The following DOCK3 variants were observed in gnomAD, a reference collection of about 807,000 sequenced individuals.
DOCK3 encodes dedicator of cytokinesis protein 3.
Under a neutral mutation model 265.6 loss-of-function variants are expected in DOCK3, and 60 were observed. The observed-to-expected ratio is 0.23, with a 90% confidence interval of 0.18 to 0.28. The LOEUF (loss-of-function observed/expected upper bound fraction) is 0.28, where lower values mean the gene tolerates loss of function less well. DOCK3 is among the 10% of genes least tolerant of loss of function. The pLI is 1.00. For missense variants in DOCK3, 1,981 were observed against 2,594.3 expected, an observed-to-expected ratio of 0.76 and a Z score of 5.14; for synonymous variants, 881 against 938.0, an observed-to-expected ratio of 0.94 and a Z score of 1.11.
rs546329502 is a variant in DOCK3, at chr3:50,926,094, A to G, written c.219-7887A>G. On this transcript the variant is annotated intron_variant, in intron 4 of 52. Transcript: ENST00000266037. ...GTGCTCCACCCACCTTGGCCTCCCAAAGTTATAGCAGGCCATTTTGGCAGC... is the reference window on the plus strand; with the variant it reads ...GTGCTCCACCCACCTTGGCCTCCCAGAGTTATAGCAGGCCATTTTGGCAGC... 4.9e-4 allele frequency among the ~76,000 whole-genome samples: 74 copies of G among 152,122 alleles called. 1 individual carries two copies. In the South Asian group the frequency reaches 0.015, roughly 31 times the overall value.
intron 1 of DOCK3, among the ~76,000 whole-genome samples, chr3:50,711,484 G>C (rs561082511): frequency 6.6e-6 from 1 of 151,938 alleles, no homozygotes; most frequent in African/African-American, 2.4e-5. Context: ...GGATGGTCTC[G>C]ATCTCCTGAC....
At chr3:50,808,628 A>G (rs1350080332) in intron 2 of DOCK3, among the ~76,000 whole-genome samples, 1 of 152,156 alleles carries the variant, frequency 6.6e-6, no homozygotes, top group African/African-American at 2.4e-5. Context: ...CTCCAACCCA[A>G]GTGCTCTGGG....
intron 22 of DOCK3, among the ~76,000 whole-genome samples, chr3:51,247,329 C>A (rs1363560018): frequency 6.6e-6 from 1 of 152,210 alleles, no homozygotes; most frequent in Non-Finnish European, 1.5e-5. Flanking sequence ...TTGTCAGCAT[C>A]CCTGCTTGGA....
chr3:51,198,315 C>T (rs1315099825), intron 12 of DOCK3, among the ~76,000 whole-genome samples: 1 of 152,218 alleles, frequency 6.6e-6, no homozygotes, highest in Non-Finnish European at 1.5e-5. Context: ...GTTCTCTTTA[C>T]CTCCTTGTTC....
In DOCK3 at chr3:50,930,430, G is replaced by A. The variant is rs545465243; in HGVS notation, c.219-3551G>A. 2.0e-5 allele frequency among the ~76,000 whole-genome samples: 3 copies of A among 152,298 alleles called. No homozygotes were observed. In the South Asian group the frequency reaches 6.2e-4, roughly 32 times the overall value. On this transcript the variant is annotated intron_variant, in intron 4 of 52. Coordinates refer to ENST00000266037, the MANE Select transcript of DOCK3 (RefSeq NM_004947.5). ...CCCACAAGAGCCCAGGGAGACCCAG[G>A]TCCACAACCCTGACTTGGGCAGCTG...
intron 49 of DOCK3, among the ~76,000 whole-genome samples, chr3:51,371,468 G>C (rs2087671878): frequency 6.6e-6 from 1 of 152,202 alleles, no homozygotes; most frequent in Non-Finnish European, 1.5e-5. Flanking sequence ...CAAGCACAGT[G>C]TTAGGCCCTG....
At chr3:50,826,658 C>T (rs2044773767) in intron 2 of DOCK3, among the ~76,000 whole-genome samples, 1 of 152,244 alleles carries the variant, frequency 6.6e-6, no homozygotes, top group African/African-American at 2.4e-5. Flanking sequence ...CATTAATATC[C>T]TCTGAGAGAT....
chr3:51,322,955 C>A (rs1278745672), intron 32 of DOCK3, among the ~76,000 whole-genome samples: 3 of 32,772 alleles, frequency 9.2e-5, no homozygotes. Flanking sequence ...GGCATGCTTA[C>A]CAAGCAAATG....
chr3:50,962,612 G>C (rs1193280476), intron 5 of DOCK3, among the ~76,000 whole-genome samples: 2 of 152,282 alleles, frequency 1.3e-5, no homozygotes, highest in East Asian at 3.9e-4. Flanking sequence ...TTCAGTATTT[G>C]AATATTTTTA....
intron 1 of DOCK3, among the ~76,000 whole-genome samples, chr3:50,770,984 C>A (rs867299383): frequency 6.6e-6 from 1 of 152,148 alleles, no homozygotes; most frequent in Non-Finnish European, 1.5e-5. Context: ...CAACCTCAAA[C>A]TATGAAGCTA....
intron 5 of DOCK3, among the ~76,000 whole-genome samples, chr3:50,942,895 A>G (rs1234026115): frequency 6.6e-6 from 1 of 152,032 alleles, no homozygotes; most frequent in East Asian, 1.9e-4. Context: ...AGTATAAAAT[A>G]CATGCTGGAG....
At chr3:50,947,799 C>G (rs1320162697) in intron 5 of DOCK3, among the ~76,000 whole-genome samples, 1 of 151,404 alleles carries the variant, frequency 6.6e-6, no homozygotes, top group African/African-American at 2.4e-5. Flanking sequence ...TTAGTTCTCT[C>G]CAGTATTGTT....
chr3:51,082,647 G>C (rs2082281914), intron 7 of DOCK3, among the ~76,000 whole-genome samples: 1 of 152,132 alleles, frequency 6.6e-6, no homozygotes. Flanking sequence ...ATTGTCCCGG[G>C]ACCTGAGGAC....
intron 27 of DOCK3, among the ~76,000 whole-genome samples, chr3:51,294,714 C>T (rs935661813): frequency 1.5e-4 from 22 of 144,946 alleles, no homozygotes; most frequent in African/African-American, 4.9e-4. Flanking sequence ...AAATTGAACT[C>T]GAAAAGTAGA....
At chr3:50,787,700 A>C (rs2042255331) in intron 2 of DOCK3, 4 of 1,289,466 alleles carry the variant, frequency 3.1e-6, no homozygotes, top group Non-Finnish European at 3.3e-6. Flanking sequence ...GCAGCAACAG[A>C]GGCAGCTCTC....
At chr3:51,243,181 G>C (rs1456779138) in intron 21 of DOCK3, among the ~76,000 whole-genome samples, 2 of 152,192 alleles carry the variant, frequency 1.3e-5, no homozygotes, top group African/African-American at 4.8e-5. Context: ...GTCAAGCCTA[G>C]GGGGATGGCC....
Position 51,127,050 on chromosome 3 carries a change from C to T in DOCK3, c.747-19499C>T, listed in dbSNP as rs181084653. ...GGCTGAGGAGCAAGGAGAGCCAGCC[C>T]GAGTTCCAAAACTGAATAACTTGGA... On this transcript the variant is annotated intron_variant, in intron 9 of 52. Coordinates refer to ENST00000266037, the MANE Select transcript of DOCK3 (RefSeq NM_004947.5). Among the ~76,000 whole-genome samples, 261 of 152,190 alleles carry T rather than the reference C, an allele frequency of 1.7e-3. 1 individual carries two copies. Among genetic ancestry groups the T allele is most frequent in the Non-Finnish European group, 2.9e-3 (197 of 68,000 alleles).
intron 1 of DOCK3, among the ~76,000 whole-genome samples, chr3:50,735,846 G>C (rs963370927): frequency 1.3e-5 from 2 of 152,038 alleles, no homozygotes; most frequent in African/African-American, 2.4e-5. Context: ...TTCTGTTTCT[G>C]GGGGGGCCTC....
intron 1 of DOCK3, among the ~76,000 whole-genome samples, chr3:50,719,072 C>T (rs1030443069): frequency 1.3e-5 from 2 of 152,138 alleles, no homozygotes; most frequent in Admixed American, 6.5e-5. Context: ...GCGTGAGCCA[C>T]TGCACCCGGC....
Sources: gnomAD v4.1 joint callset for allele counts (sites outside exome capture counted in the v4.1 genomes callset) on GRCh38, gnomAD v4.1.1 for gene constraint, MANE v1.5 for transcripts, NCBI Gene and HGNC (gene_info 2026-07-23, HGNC 2026-07-21) for gene names.